The following MAN1A1 variants were observed in gnomAD, a reference collection of about 807,000 sequenced individuals.
The protein encoded by MAN1A1 is mannosidase alpha class 1A member 1.
Under a neutral mutation model 70.8 loss-of-function variants are expected in MAN1A1, and 29 were observed. The observed-to-expected ratio is 0.41, with a 90% CI of 0.31 to 0.56. MAN1A1 has a LOEUF of 0.56. Among genes scored for constraint, MAN1A1 ranks in the 20% least tolerant of loss-of-function variants. The pLI is 0.29. For synonymous variants in MAN1A1, 349 were observed against 330.1 expected, an observed-to-expected ratio of 1.06 and a Z score of -0.62; for missense variants, 747 against 841.3, an observed-to-expected ratio of 0.89 and a Z score of 1.39.
intron 8 of MAN1A1, among the ~76,000 whole-genome samples, chr6:119,199,767 C>T (rs1344929188): frequency 6.6e-6 from 1 of 150,828 alleles, no homozygotes; most frequent in East Asian, 1.9e-4. Context: ...TAAAAATTGG[C>T]TGAGCATGGC....
chr6:119,310,022 T>C (rs1468617310), intron 2 of MAN1A1, among the ~76,000 whole-genome samples: 1 of 152,202 alleles, frequency 6.6e-6, no homozygotes, highest in Non-Finnish European at 1.5e-5. Flanking sequence ...TGATAATGTA[T>C]GGAAACATAA....
intron 2 of MAN1A1, among the ~76,000 whole-genome samples, chr6:119,338,075 A>AAC (rs1371572179): frequency 6.6e-6 from 1 of 151,884 alleles, no homozygotes. Context: ...TGACTAAAAA[A>AAC]AAAAAAAAAG....
chr6:119,331,601 T>C (rs956778547), intron 2 of MAN1A1, among the ~76,000 whole-genome samples: 1 of 71,140 alleles, frequency 1.4e-5, no homozygotes, highest in East Asian at 2.5e-4. Flanking sequence ...ATATATATAA[T>C]CAAGGGGATA....
intron 6 of MAN1A1, among the ~76,000 whole-genome samples, chr6:119,226,433 C>T (rs1029150116): frequency 1.3e-5 from 2 of 152,070 alleles, no homozygotes; most frequent in African/African-American, 2.4e-5. Context: ...AATCTTTGTT[C>T]CAGAAGGAAA....
Position 119,190,532 on chromosome 6 carries a change from T to C in MAN1A1, c.1327-649A>G, listed in dbSNP as rs180804830. 5.2e-3 allele frequency among the ~76,000 whole-genome samples: 785 copies of C among 152,342 alleles called. 4 individuals carry two copies. The highest frequency in any genetic ancestry group is 8.6e-3 in the Non-Finnish European group (586 of 68,030). Reference sequence around the variant, plus strand: ...ATACGACTCTGCCACATTTTGTTTATAAAGCAGTCACTAATGCAAGTGGCA... The same window carrying C: ...ATACGACTCTGCCACATTTTGTTTACAAAGCAGTCACTAATGCAAGTGGCA... On this transcript the variant is annotated intron_variant, in intron 9 of 12. Coordinates refer to ENST00000368468, the MANE Select transcript of MAN1A1 (RefSeq NM_005907.4).
At chr6:119,271,838 C>G (rs1211187789) in intron 5 of MAN1A1, among the ~76,000 whole-genome samples, 1 of 152,084 alleles carries the variant, frequency 6.6e-6, no homozygotes, top group Admixed American at 6.6e-5. Context: ...CCTATAGGCT[C>G]AAAATTTGGT....
chr6:119,239,126 C>T (rs1774934042), intron 6 of MAN1A1, among the ~76,000 whole-genome samples: 1 of 152,114 alleles, frequency 6.6e-6, no homozygotes, highest in Admixed American at 6.5e-5. Flanking sequence ...GATCCGCCCG[C>T]CTCAGCCTCC....
At chr6:119,207,681 A>G (rs1282257735) in intron 6 of MAN1A1, among the ~76,000 whole-genome samples, 1 of 152,198 alleles carries the variant, frequency 6.6e-6, no homozygotes. Context: ...AATTCTATAA[A>G]TCTACTGAGG....
At chr6:119,332,001 T>C (rs369596327) in intron 2 of MAN1A1, 1 of 501,698 alleles carries the variant, frequency 2.0e-6, no homozygotes, top group Non-Finnish European at 4.0e-6. Flanking sequence ...CTGGCTTCAA[T>C]TTCCTATGTA....
At chr6:119,329,439 C>A (rs1394092398) in intron 2 of MAN1A1, among the ~76,000 whole-genome samples, 3 of 147,512 alleles carry the variant, frequency 2.0e-5, no homozygotes, top group Non-Finnish European at 4.5e-5. Context: ...TGAGAGATTC[C>A]TTTTTATAAT....
intron 6 of MAN1A1, among the ~76,000 whole-genome samples, chr6:119,247,880 A>G (rs1338401685): frequency 6.6e-6 from 1 of 152,218 alleles, no homozygotes; most frequent in Non-Finnish European, 1.5e-5. Context: ...CCAGTAGCTG[A>G]ACTTAAATAA....
chr6:119,191,208 C>T (rs1008473), intron 9 of MAN1A1, among the ~76,000 whole-genome samples: 108,406 of 152,086 alleles, frequency 0.71, 40,943 homozygotes, highest in Non-Finnish European at 0.83. Flanking sequence ...TGCGACTGAA[C>T]ATCTTAGCTA....
chr6:119,182,160 C>T (rs1407173882), intron 11 of MAN1A1, among the ~76,000 whole-genome samples: 1 of 152,098 alleles, frequency 6.6e-6, no homozygotes, highest in Non-Finnish European at 1.5e-5. Flanking sequence ...CACTACTGGC[C>T]ATCTGTACGT....
At chr6:119,223,310 ACAAT>A (rs1355371708) in intron 6 of MAN1A1, among the ~76,000 whole-genome samples, 1 of 152,160 alleles carries the variant, frequency 6.6e-6, no homozygotes, top group African/African-American at 2.4e-5. Context: ...AGTTTATAAA[ACAAT>A]CAGGAATAAT....
At chr6:119,291,875 C>G (rs9489672) in intron 4 of MAN1A1, among the ~76,000 whole-genome samples, 57,387 of 151,826 alleles carry the variant, frequency 0.38, 11,330 homozygotes, top group Non-Finnish European at 0.41. Flanking sequence ...CGTGCCAGGT[C>G]CTGTGCTAAT....
chr6:119,226,800 A>G (rs1233409108), intron 6 of MAN1A1, among the ~76,000 whole-genome samples: 1 of 151,946 alleles, frequency 6.6e-6, no homozygotes, highest in Non-Finnish European at 1.5e-5. Flanking sequence ...CTTCCTGAGT[A>G]GCTGGGATTA....
intron 5 of MAN1A1, among the ~76,000 whole-genome samples, chr6:119,252,360 G>C (rs1775339866): frequency 6.6e-6 from 1 of 152,172 alleles, no homozygotes; most frequent in African/African-American, 2.4e-5. Context: ...ACTATGGAAA[G>C]GATGTTAGAC....
intron 5 of MAN1A1, among the ~76,000 whole-genome samples, chr6:119,274,859 T>C (rs1161543567): frequency 6.6e-6 from 1 of 152,274 alleles, no homozygotes; most frequent in African/African-American, 2.4e-5. Flanking sequence ...GAGTCAGAGA[T>C]TGAAGAATAA....
At chr6:119,262,451 A>C (rs1775636947) in intron 5 of MAN1A1, among the ~76,000 whole-genome samples, 1 of 151,242 alleles carries the variant, frequency 6.6e-6, no homozygotes, top group Non-Finnish European at 1.5e-5. Context: ...TGGCTATTAT[A>C]AAAAGTAAAA....
Sources: allele counts gnomAD v4.1 joint callset (sites outside exome capture counted in the v4.1 genomes callset), GRCh38; gene constraint gnomAD v4.1.1; transcripts MANE v1.5; gene names NCBI Gene and HGNC (gene_info 2026-07-23, HGNC 2026-07-21).